The following NKAIN4 variants were observed in gnomAD, a reference collection of about 807,000 sequenced individuals.
NKAIN4 encodes the protein sodium/potassium transporting ATPase interacting 4, also known as sodium/potassium-transporting ATPase subunit beta-1-interacting protein 4.
Under a neutral mutation model 28.8 loss-of-function variants are expected in NKAIN4, and 28 were observed. The ratio of observed to expected loss-of-function variants is 0.97; its 90% CI spans 0.72 to 1.33. NKAIN4 has a LOEUF of 1.33. Ranked by LOEUF, NKAIN4 falls within the 40% of genes most tolerant of loss-of-function variation. The pLI, the probability that NKAIN4 is intolerant of heterozygous loss-of-function variation, is 0.00. For missense variants in NKAIN4, 289 were observed against 277.2 expected, an observed-to-expected ratio of 1.04 and a Z score of -0.30; for synonymous variants, 122 against 115.6, an observed-to-expected ratio of 1.06 and a Z score of -0.36.
chr20:63,254,598 C>T (rs541295527), upstream of NKAIN4: 1 of 553,432 alleles, frequency 1.8e-6, no homozygotes, highest in Admixed American at 4.5e-5. Context: ...CAGCCCCAGC[C>T]CCGGGTAACA....
rs76271554 is a variant in NKAIN4 at position 63,246,840 on chromosome 20, C to A, written c.471+738G>T. On this transcript the variant is annotated intron_variant, in intron 4 of 6. Transcript: ENST00000370316. ...AGCACTTCGAGGAAGGCACTGACAC[C>A]ATCTGCATTTTACAGAGGCGGGAGC... The A allele has an allele frequency of 0.014, 13,316 of 985,390 alleles. 773 individuals are homozygous for A. The African/African-American group carries it at 0.16, about 12-fold the overall frequency. The allele number at this position is 985,390 out of a possible 1,614,324, so 61.0% of individuals were successfully genotyped here. A position where few individuals can be genotyped will look rare whatever the true frequency, so the allele number is the denominator to read the frequency against.
At chr20:63,249,264 C>T (rs576127067) in intron 2 of NKAIN4, 4 of 263,654 alleles carry the variant, frequency 1.5e-5, no homozygotes, top group Non-Finnish European at 2.3e-5. Flanking sequence ...ACCCCAGAAG[C>T]CACCCCCAAG....
chr20:63,254,810 A>C (rs777475785), upstream of NKAIN4: 17 of 202,942 alleles, frequency 8.4e-5, no homozygotes, highest in Non-Finnish European at 1.5e-4. Context: ...CCCCTCCTGC[A>C]GGATGACCTG....
In NKAIN4 at chr20:63,246,513, C is replaced by G. The variant is rs879202408; in HGVS notation, c.471+1065G>C. The G allele has an allele frequency of 4.1e-6, 4 of 985,300 alleles. No homozygotes were observed. The African/African-American group carries it at 7.0e-5, about 17-fold the overall frequency. The allele number at this position is 985,300 out of a possible 1,614,324, so 61.0% of individuals were successfully genotyped here. A position where few individuals can be genotyped will look rare whatever the true frequency, so the allele number is the denominator to read the frequency against. ...CCCAGGAAGGAGCCCCGGGAGCTCA[C>G]GAGGCCACCCGCACCGTCACGTGTG... On this transcript the variant is annotated intron_variant, in intron 4 of 6. Coordinates refer to ENST00000370316, the MANE Select transcript of NKAIN4 (RefSeq NM_152864.4).
chr20:63,253,716 G>T (rs1363938200), intron 1 of NKAIN4, among the ~76,000 whole-genome samples: 1 of 152,186 alleles, frequency 6.6e-6, no homozygotes, highest in Non-Finnish European at 1.5e-5. Flanking sequence ...CTCCGGGGCA[G>T]AATGGAAACT....
chr20:63,246,528 C>T (rs899094836), intron 4 of NKAIN4: 22 of 985,298 alleles, frequency 2.2e-5, no homozygotes, highest in African/African-American at 1.6e-4. Context: ...CCACCCGCAC[C>T]GTCACGTGTG....
rs543355515 is a variant in NKAIN4 at position 63,241,638 on chromosome 20, G to A, written c.618-132C>T. The A allele has an allele frequency of 1.3e-3, 1,037 of 789,120 alleles. 13 individuals carry two copies. In the Middle Eastern group the frequency reaches 0.022, roughly 17 times the overall value. The allele number at this position is 789,120 out of a possible 1,614,324, so 48.9% of individuals were successfully genotyped here. On this transcript the variant is annotated intron_variant, in intron 6 of 6. Coordinates refer to ENST00000370316, the MANE Select transcript of NKAIN4 (RefSeq NM_152864.4). ...AGTGGACGGCTTCAGGCCTTTGGCAGAAAGGAGATGGGTGGGACTGAGGCT... is the reference window on the plus strand; with the variant it reads ...AGTGGACGGCTTCAGGCCTTTGGCAAAAAGGAGATGGGTGGGACTGAGGCT...
At chr20:63,253,325 G>A (rs1217510002) in intron 1 of NKAIN4, 2 of 985,212 alleles carry the variant, frequency 2.0e-6, no homozygotes, top group African/African-American at 1.7e-5. Context: ...GGAAAGCGCC[G>A]GAAGCTCCTT....
At chr20:63,242,676 T>C in intron 5 of NKAIN4, 53 bp from the exon 6 acceptor site, 2 of 1,441,796 alleles carry the variant, frequency 1.4e-6, no homozygotes, top group South Asian at 2.3e-5. Context: ...GGAAAAGATG[T>C]CAGAGTGGAA....
chr20:63,241,904 C>G (rs1356524420), intron 6 of NKAIN4, among the ~76,000 whole-genome samples: 3 of 152,062 alleles, frequency 2.0e-5, no homozygotes, highest in Non-Finnish European at 4.4e-5. Flanking sequence ...GCCGGGACAG[C>G]CCTCATTTTT....
At chr20:63,254,314 C>T (rs1433205777) in intron 1 of NKAIN4, 83 bp downstream of exon 1, 8 of 1,130,848 alleles carry the variant, frequency 7.1e-6, no homozygotes, top group East Asian at 3.2e-5. Flanking sequence ...GGCCCCGGGG[C>T]GGAGGGACGC....
Position 63,246,957 on chromosome 20 carries a change from C to G in NKAIN4, c.471+621G>C, listed in dbSNP as rs557381657. On this transcript the variant is annotated intron_variant, in intron 4 of 6. Transcript: ENST00000370316. ...CAGGAGCAGCATCGTAGCCCCTGTT[C>G]TCTACCAACCCGTGCAGGGCCGGAG... is the stretch of plus-strand genomic sequence containing the variant. 5 of 987,714 alleles carry G rather than the reference C, an allele frequency of 5.1e-6. No individual in the cohort carries two copies. The African/African-American group carries it at 8.7e-5, about 17-fold the overall frequency. 61.2% of individuals were successfully genotyped at this position (987,714 alleles called of 1,614,324 possible). A position where few individuals can be genotyped will look rare whatever the true frequency, so the allele number is the denominator to read the frequency against.
chr20:63,249,554 T>C (rs6010882), intron 2 of NKAIN4, among the ~76,000 whole-genome samples: 44,569 of 152,096 alleles, frequency 0.29, 6,772 homozygotes, highest in Middle Eastern at 0.42. Flanking sequence ...AAGGACAGTA[T>C]GGCCAGGGGT....
intron 1 of NKAIN4, among the ~76,000 whole-genome samples, chr20:63,250,608 GGCAGGCA>G (rs1213163615): frequency 7.5e-6 from 1 of 133,624 alleles, no homozygotes; most frequent in Non-Finnish European, 1.8e-5. Flanking sequence ...GCTGCTCTCT[GGCAGGCA>G]GGCAGCCTCC....
Position 63,250,064 on chromosome 20 carries a change from G to C in NKAIN4, c.63C>G (p.Ala21=). The C allele has an allele frequency of 6.3e-7, 1 of 1,576,134 alleles. No individual in the cohort carries two copies. Among genetic ancestry groups the C allele is most frequent in the Non-Finnish European group, 8.6e-7 (1 of 1,162,062 alleles). The change falls in exon 2 of 7, where the codon GCC becomes GCG. Residue 21 remains alanine (A), a synonymous_variant. Transcript: ENST00000370316. Reference sequence around the variant, plus strand: ...GGAAGTCAAACACCTGCCTCTCCAGGGCGGCGACCTAGGAGCAGGGCGGGC... The same window carrying C: ...GGAAGTCAAACACCTGCCTCTCCAGCGCGGCGACCTAGGAGCAGGGCGGGC... ...VVLCAFQLVA[A]LERQVFDFLG... is the part of the protein sequence containing the mutation.
At chr20:63,253,854 C>T (rs8119038) in intron 1 of NKAIN4, 46,264 of 121,860 alleles carry the variant, frequency 0.38, 8,281 homozygotes, top group East Asian at 0.6. Flanking sequence ...CGGGGGCGGG[C>T]GGGGCCGGTT....
At position 63,254,460 on chromosome 20, in the gene NKAIN4, C is replaced by A; in HGVS notation, c.-10G>T. 7.4e-7 allele frequency: 1 copy of A among 1,352,032 alleles called. No homozygotes were observed. The highest frequency in any genetic ancestry group is 9.5e-7 in the Non-Finnish European group (1 of 1,052,812). The allele number at this position is 1,352,032 out of a possible 1,614,324, so 83.8% of individuals were successfully genotyped here. The stretch of plus-strand genomic sequence containing the variant: ...CGGAGCAGGAGCCCATGGTGCCCGC[C>A]TATACAGGAGGCCCCCGGGTGCCCC... On this transcript the variant is annotated 5_prime_UTR_variant, in exon 1 of 7. It adds an upstream start codon to the 5' untranslated region. Coordinates refer to ENST00000370316, the MANE Select transcript of NKAIN4 (RefSeq NM_152864.4).
At chr20:63,249,170 C>A in intron 2 of NKAIN4, 2 of 462,004 alleles carry the variant, frequency 4.3e-6, no homozygotes, top group East Asian at 8.6e-5. Flanking sequence ...ACGGACACAG[C>A]ATCCCTGGCT....
At chr20:63,241,811 C>T (rs1413784540) in intron 6 of NKAIN4, 13 of 562,926 alleles carry the variant, frequency 2.3e-5, no homozygotes, top group African/African-American at 5.7e-5. Context: ...TCAGGGTCTG[C>T]GTGTGACCCC....
Sources: allele counts gnomAD v4.1 joint callset (sites outside exome capture counted in the v4.1 genomes callset), GRCh38; gene constraint gnomAD v4.1.1; transcripts MANE v1.5; gene names NCBI Gene and HGNC (gene_info 2026-07-23, HGNC 2026-07-21).